SEC61B: variants seen among roughly 807,000 people sequenced by gnomAD.
SEC61B encodes the protein SEC61 translocon subunit beta.
Under a neutral mutation model 12.6 loss-of-function variants are expected in SEC61B, and 7 were observed. That is an observed-to-expected ratio of 0.55 (90% confidence interval 0.32 to 1.04). SEC61B has a LOEUF of 1.04. Among genes scored for constraint, SEC61B ranks in the 50% least tolerant of loss-of-function variants. The pLI, the probability that SEC61B is intolerant of heterozygous loss-of-function variation, is 0.05. For synonymous variants in SEC61B, 54 were observed against 50.1 expected, an observed-to-expected ratio of 1.08 and a Z score of -0.33; for missense variants, 107 against 130.1, an observed-to-expected ratio of 0.82 and a Z score of 0.86.
intron 2 of SEC61B, among the ~76,000 whole-genome samples, chr9:99,226,398 G>A (rs909626062): frequency 1.3e-5 from 2 of 152,220 alleles, no homozygotes; most frequent in African/African-American, 4.8e-5. Context: ...AGCAAGAAGA[G>A]ATGGTAGGGA....
chr9:99,227,994 T>G lies in SEC61B; in HGVS notation c.197T>G (p.Leu66Arg). ...TTCTACACAGAAGATTCACCTGGGC[T>G]CAAAGTGTAAGTCTTAGGAACAGTC... The part of the protein sequence containing the change: ...WRFYTEDSPG[L>R]KVGPVPVLVM... Residue 66 changes from leucine (L) to arginine (R), a missense_variant, in exon 3 of 4, where the codon CTC becomes CGC. By Grantham distance (102) the Leu-to-Arg change is moderately radical. Coordinates refer to ENST00000223641, the MANE Select transcript of SEC61B (RefSeq NM_006808.3). The G allele has an allele frequency of 6.2e-7, 1 of 1,613,042 alleles. No individual in the cohort carries two copies. The highest frequency in any genetic ancestry group is 1.1e-5 in the South Asian group (1 of 90,952).
At chr9:99,227,355 G>A (rs528019863) in intron 2 of SEC61B, among the ~76,000 whole-genome samples, 1 of 151,322 alleles carries the variant, frequency 6.6e-6, no homozygotes, top group South Asian at 2.1e-4. Flanking sequence ...CTTGGGCCCT[G>A]GATATAATTA....
chr9:99,222,918 T>C, intron 2 of SEC61B: 1 of 344,856 alleles, frequency 2.9e-6, no homozygotes, highest in Non-Finnish European at 5.3e-6. Flanking sequence ...TAAACTGGTG[T>C]CTCTGGACCT....
Position 99,228,020 on chromosome 9 carries a change from C to CTT in SEC61B, c.203+21_203+22dup. The CTT allele has an allele frequency of 6.3e-7, 1 of 1,582,720 alleles. No homozygotes were observed. The highest frequency in any genetic ancestry group is 1.1e-5 in the South Asian group (1 of 89,918). On this transcript the variant is annotated intron_variant, in intron 3 of 3. Transcript: ENST00000223641. ...CAAAGTGTAAGTCTTAGGAACAGTC[C>CTT]TTGTGTTTCTGTCCAGTGGCAGCAG...
At position 99,230,604 on chromosome 9, in the gene SEC61B, A is replaced by G; in HGVS notation, c.*180A>G. The G allele has an allele frequency of 1.8e-6, 1 of 542,028 alleles. No homozygotes were observed. 33.6% of individuals were successfully genotyped at this position (542,028 alleles called of 1,614,324 possible). ...TTTTTCTATGGCTAATAAACTTTTTAATTCACTTATACTGAGTCTGATCGT... is the reference window on the plus strand; with the variant it reads ...TTTTTCTATGGCTAATAAACTTTTTGATTCACTTATACTGAGTCTGATCGT... On this transcript the variant is annotated 3_prime_UTR_variant, in exon 4 of 4. Coordinates refer to ENST00000223641, the MANE Select transcript of SEC61B (RefSeq NM_006808.3).
intron 2 of SEC61B, among the ~76,000 whole-genome samples, chr9:99,223,805 A>G (rs1828865486): frequency 6.6e-6 from 1 of 152,242 alleles, no homozygotes; most frequent in South Asian, 2.1e-4. Context: ...CTTATTTTCC[A>G]AGACTAAGCT....
At chr9:99,223,386 C>T (rs79754161) in intron 2 of SEC61B, among the ~76,000 whole-genome samples, 8,576 of 150,310 alleles carry the variant, frequency 0.057, 321 homozygotes, top group Non-Finnish European at 0.079. Context: ...TTCAGCCTAA[C>T]CTTTCTTTTT....
chr9:99,223,157 T>G (rs1162874379), intron 2 of SEC61B: 2 of 152,444 alleles, frequency 1.3e-5, no homozygotes, highest in African/African-American at 4.8e-5. Context: ...TGCCAGACTT[T>G]AAACTCTGCT....
intron 3 of SEC61B, among the ~76,000 whole-genome samples, chr9:99,228,514 C>G (rs1828925861): frequency 1.3e-5 from 2 of 152,168 alleles, no homozygotes; most frequent in African/African-American, 4.8e-5. Flanking sequence ...TGTAATACCA[C>G]TTTCCAAGTT....
intron 2 of SEC61B, 185 bp downstream of exon 2, chr9:99,222,828 GT>G (rs1190583843): frequency 1.3e-5 from 7 of 525,546 alleles, no homozygotes; most frequent in Non-Finnish European, 2.0e-5. Context: ...TCGTTGCTCA[GT>G]TTAGGGCACT....
chr9:99,227,094 T>C (rs962123504), intron 2 of SEC61B, among the ~76,000 whole-genome samples: 2 of 151,734 alleles, frequency 1.3e-5, no homozygotes, highest in Non-Finnish European at 2.9e-5. Context: ...GGTGAAACCC[T>C]GTCTCTACTA....
intron 2 of SEC61B, among the ~76,000 whole-genome samples, chr9:99,223,725 C>T (rs541230681): frequency 5.9e-5 from 9 of 152,210 alleles, no homozygotes; most frequent in Non-Finnish European, 1.2e-4. Flanking sequence ...TCCTATGATC[C>T]AGCACTCGTG....
In SEC61B at chr9:99,227,907, C is replaced by G. The variant is rs375443572; in HGVS notation, c.110C>G (p.Ala37Gly). 1.2e-6 allele frequency: 2 copies of G among 1,613,462 alleles called. No individual in the cohort carries two copies. Among genetic ancestry groups the G allele is most frequent in the Non-Finnish European group, 1.7e-6 (2 of 1,179,746 alleles). ...AGSTVRQRKN[A>G]SCGTRSAGRT... Reference sequence around the variant, plus strand: ...ATTTTCCTCTCTTTCAGGAAAAATGCCAGCTGTGGGACAAGGAGTGCAGGC... The same window carrying G: ...ATTTTCCTCTCTTTCAGGAAAAATGGCAGCTGTGGGACAAGGAGTGCAGGC... Residue 37 changes from alanine to glycine, a missense_variant, in exon 3 of 4, where the codon GCC becomes GGC. Transcript: ENST00000223641.
intron 3 of SEC61B, among the ~76,000 whole-genome samples, chr9:99,229,106 A>T (rs1828931344): frequency 6.6e-6 from 1 of 152,180 alleles, no homozygotes; most frequent in African/African-American, 2.4e-5. Context: ...TAATTTGACC[A>T]GCACCTTGAC....
intron 2 of SEC61B, chr9:99,223,046 T>G (rs989217889): frequency 1.2e-5 from 2 of 164,254 alleles, no homozygotes; most frequent in African/African-American, 4.8e-5. Context: ...CAATTATATC[T>G]CCTTACTTCC....
At chr9:99,229,363 C>T (rs188024652) in intron 3 of SEC61B, among the ~76,000 whole-genome samples, 32 of 152,104 alleles carry the variant, frequency 2.1e-4, no homozygotes, top group Middle Eastern at 3.4e-3. Context: ...TTTGCTCTGT[C>T]GCCCAGGCTG....
chr9:99,224,980 A>G (rs777820780), intron 2 of SEC61B, among the ~76,000 whole-genome samples: 46 of 152,226 alleles, frequency 3.0e-4, no homozygotes, highest in Non-Finnish European at 6.5e-4. Flanking sequence ...TCTCCTAAAT[A>G]CAATATAAAA....
At position 99,222,314 on chromosome 9, in the gene SEC61B, C is replaced by T. The variant is rs766445483; in HGVS notation, c.-50C>T. ...CCAGCTGCCGGTCTTTCGGGGGCTC[C>T]GTAACTTTCTATCCGTCCGCGTCAG... On this transcript the variant is annotated 5_prime_UTR_variant, in exon 1 of 4. Coordinates refer to ENST00000223641, the MANE Select transcript of SEC61B (RefSeq NM_006808.3). 8.7e-6 allele frequency: 14 copies of T among 1,613,916 alleles called. No homozygotes were observed. The highest frequency in any genetic ancestry group is 1.6e-4 in the Middle Eastern group (1 of 6,084).
In SEC61B at chr9:99,222,560, C is replaced by G; in HGVS notation, c.18C>G (p.Pro6=). The G allele has an allele frequency of 6.3e-7, 1 of 1,578,530 alleles. No homozygotes were observed. Among genetic ancestry groups the G allele is most frequent in the Non-Finnish European group, 8.6e-7 (1 of 1,162,382 alleles). MPGPT[P]SGTNVGSSGR... is the part of the protein sequence containing the mutation. ...TCCCTCTACAGCCTGGTCCGACCCC[C>G]AGTGGCACTAACGTGGGATCCTCAG... The change falls in exon 2 of 4, where the codon CCC becomes CCG. Residue 6 remains proline, a synonymous_variant. Transcript: ENST00000223641.
Sources: allele counts gnomAD v4.1 joint callset (sites outside exome capture counted in the v4.1 genomes callset), GRCh38; gene constraint gnomAD v4.1.1; transcripts MANE v1.5; gene names NCBI Gene and HGNC (gene_info 2026-07-23, HGNC 2026-07-21).